Variants in RAB14 observed in about 807,000 individuals in gnomAD.
The protein encoded by RAB14 is RAB14, member RAS oncogene family, also known as ras-related protein Rab-14.
RAB14 carries 3 observed loss-of-function variants against 31.1 expected under a neutral mutation model. The ratio of observed to expected loss-of-function variants is 0.10; its 90% CI spans 0.04 to 0.25. The LOEUF (loss-of-function observed/expected upper bound fraction) is 0.25, where lower values mean the gene tolerates loss of function less well. Among genes scored for constraint, RAB14 ranks in the 10% least tolerant of loss-of-function variants. RAB14 has a pLI of 1.00. For missense variants in RAB14, 111 were observed against 260.1 expected (o/e 0.43, Z 3.94); for synonymous variants, 85 against 84.9 (o/e 1.00, Z 0.00).
intron 6 of RAB14, 122 bp downstream of exon 6, chr9:121,183,189 T>C: frequency 1.2e-6 from 1 of 845,716 alleles, no homozygotes; most frequent in South Asian, 1.5e-5. Context: ...TACTTCCTCA[T>C]TCTTGAGATT....
rs2053793403 is a variant in RAB14, at chr9:121,201,836, C to G, written c.-205G>C. ...AGTGGCAGCGGTGACTGCTCCTGTGCTCCCTCAGTATCTTCCTCGGGCTGG... is the reference window on the plus strand; with the variant it reads ...AGTGGCAGCGGTGACTGCTCCTGTGGTCCCTCAGTATCTTCCTCGGGCTGG... On this transcript the variant is annotated 5_prime_UTR_variant, in exon 1 of 8. Coordinates refer to ENST00000373840, the MANE Select transcript of RAB14 (RefSeq NM_016322.4). 6.6e-6 allele frequency: 1 copy of G among 152,426 alleles called. No individual in the cohort carries two copies. Among genetic ancestry groups the G allele is most frequent in the South Asian group, 2.1e-4 (1 of 4,836 alleles). 9.4% of individuals were successfully genotyped at this position (152,426 alleles called of 1,614,324 possible). A position where few individuals can be genotyped will look rare whatever the true frequency, so the allele number is the denominator to read the frequency against.
At chr9:121,188,375 T>A (rs2053669181) in intron 4 of RAB14, among the ~76,000 whole-genome samples, 1 of 151,918 alleles carries the variant, frequency 6.6e-6, no homozygotes, top group African/African-American at 2.4e-5. Context: ...GAGAGTGAAG[T>A]ACACAGAAAA....
intron 1 of RAB14, among the ~76,000 whole-genome samples, chr9:121,194,399 C>A (rs1489206246): frequency 6.6e-6 from 1 of 152,046 alleles, no homozygotes; most frequent in Non-Finnish European, 1.5e-5. Flanking sequence ...ATAGACTTAA[C>A]CTAAAGAATT....
intron 4 of RAB14, 25 bp downstream of exon 4, chr9:121,190,529 T>C (rs375408419): frequency 1.3e-6 from 2 of 1,545,576 alleles, no homozygotes; most frequent in African/African-American, 1.4e-5. Flanking sequence ...TTTCCCCATA[T>C]GAAGGTTGAA....
intron 1 of RAB14, among the ~76,000 whole-genome samples, chr9:121,194,275 T>C (rs916368885): frequency 6.6e-6 from 1 of 152,110 alleles, no homozygotes; most frequent in Admixed American, 6.6e-5. Flanking sequence ...TCCCATACAC[T>C]ATTCTAGGGA....
At position 121,182,438 on chromosome 9, in the gene RAB14, T is replaced by A. The variant is rs944562665; in HGVS notation, c.470+492A>T. On this transcript the variant is annotated intron_variant, in intron 7 of 7. Coordinates refer to ENST00000373840, the MANE Select transcript of RAB14 (RefSeq NM_016322.4). ...TCACCACAAGAAATTTTTGGCCTAA[T>A]AAATGAAGAACAATGATGGGTGTAC... 2.0e-5 allele frequency among the ~76,000 whole-genome samples: 3 copies of A among 152,196 alleles called. No individual in the cohort carries two copies. The East Asian group carries it at 5.8e-4, about 29-fold the overall frequency.
At chr9:121,188,423 T>A (rs890674524) in intron 4 of RAB14, among the ~76,000 whole-genome samples, 11 of 151,944 alleles carry the variant, frequency 7.2e-5, no homozygotes, top group African/African-American at 2.6e-4. Flanking sequence ...ATTACTTACA[T>A]GTACTATAAC....
At chr9:121,190,442 G>C in intron 4 of RAB14, 112 bp downstream of exon 4, 1 of 965,534 alleles carries the variant, frequency 1.0e-6, no homozygotes, top group Non-Finnish European at 1.5e-6. Flanking sequence ...AAACAAGTAA[G>C]TTCATTCACA....
rs902777017 is a variant in RAB14, at chr9:121,178,715, C to CAA, written c.*2679_*2680dup. 1.6e-4 allele frequency: 24 copies of CAA among 152,368 alleles called. No individual in the cohort carries two copies. Among genetic ancestry groups the CAA allele is most frequent in the African/African-American group, 5.5e-4 (23 of 41,562 alleles). The allele number at this position is 152,368 out of a possible 1,614,324, so 9.4% of individuals were successfully genotyped here. A position where few individuals can be genotyped will look rare whatever the true frequency, so the allele number is the denominator to read the frequency against. On this transcript the variant is annotated 3_prime_UTR_variant, in exon 8 of 8. Transcript: ENST00000373840. The stretch of plus-strand genomic sequence containing the variant: ...AAAAAAAAATAATAAGTTACTCCAT[C>CAA]AAACACGTTATTATCCATAAAAAAG...
intron 6 of RAB14, 92 bp downstream of exon 6, chr9:121,183,219 A>C: frequency 9.3e-7 from 1 of 1,073,802 alleles, no homozygotes. Context: ...GCATTTAAAA[A>C]AAAAATGCAA....
Position 121,194,094 on chromosome 9 carries a change from T to TCACACACA in RAB14, c.-7-683_-7-676dup, listed in dbSNP as rs56303323. ...TAATACAGGACTTGCAGATTATCAC[T>TCACACACA]CACACACACACACACACACACACAC... On this transcript the variant is annotated intron_variant, in intron 1 of 7. Transcript: ENST00000373840. Among the ~76,000 whole-genome samples, 209 of 139,042 alleles carry TCACACACA rather than the reference T, an allele frequency of 1.5e-3. 3 individuals are homozygous for TCACACACA. Among genetic ancestry groups the TCACACACA allele is most frequent in the Admixed American group, 4.7e-3 (68 of 14,438 alleles). The allele number at this position is 139,042 out of a possible 152,430, so 91.2% of individuals were successfully genotyped here.
At chr9:121,196,219 T>C (rs2053716162) in intron 1 of RAB14, among the ~76,000 whole-genome samples, 1 of 152,148 alleles carries the variant, frequency 6.6e-6, no homozygotes, top group Non-Finnish European at 1.5e-5. Context: ...ATAACTTGTA[T>C]ACAACTACCG....
chr9:121,190,584 G>A lies in RAB14; in HGVS notation c.254C>T (p.Ala85Val), dbSNP rs1470404021. The A allele has an allele frequency of 6.2e-7, 1 of 1,612,442 alleles. No homozygotes were observed. The highest frequency in any genetic ancestry group is 1.1e-5 in the South Asian group (1 of 90,966). ...GATATCATAGACCATAAGAGCTCCCGCAGCTCCTCTGTAGTAGCTCCGTGT... is the reference window on the plus strand; with the variant it reads ...GATATCATAGACCATAAGAGCTCCCACAGCTCCTCTGTAGTAGCTCCGTGT... The part of the protein sequence containing the change: ...AVTRSYYRGA[A>V]GALMVYDITR... Residue 85 changes from alanine to valine, a missense_variant, in exon 4 of 8, where the codon GCG becomes GTG. Coordinates refer to ENST00000373840, the MANE Select transcript of RAB14 (RefSeq NM_016322.4).
rs1046180101 is a variant in RAB14 at position 121,178,153 on chromosome 9, T to A, written c.*3243A>T. ...AGTCATCCCTCACCACCAAGGTTTT[T>A]ATTCCAAAACAGTTATTTGGCTAGA... On this transcript the variant is annotated 3_prime_UTR_variant, in exon 8 of 8. Coordinates refer to ENST00000373840, the MANE Select transcript of RAB14 (RefSeq NM_016322.4). 6.6e-6 allele frequency: 1 copy of A among 152,258 alleles called. No individual in the cohort carries two copies. The highest frequency in any genetic ancestry group is 2.4e-5 in the African/African-American group (1 of 41,456). The allele number at this position is 152,258 out of a possible 1,614,324, so 9.4% of individuals were successfully genotyped here.
intron 1 of RAB14, among the ~76,000 whole-genome samples, chr9:121,199,245 T>C (rs540830902): frequency 2.5e-4 from 38 of 152,344 alleles, no homozygotes; most frequent in African/African-American, 8.7e-4. Flanking sequence ...CAAGTGTATA[T>C]TGATGAAGCA....
chr9:121,185,783 G>A (rs752695029), intron 5 of RAB14, among the ~76,000 whole-genome samples: 4 of 151,972 alleles, frequency 2.6e-5, no homozygotes, highest in East Asian at 1.9e-4. Flanking sequence ...GAGATGTTCC[G>A]AACTGTTTAA....
chr9:121,200,473 G>C (rs551820485), intron 1 of RAB14, among the ~76,000 whole-genome samples: 103 of 152,298 alleles, frequency 6.8e-4, no homozygotes, highest in African/African-American at 2.5e-3. Flanking sequence ...GAAGGCACCT[G>C]TCCTCTTGGA....
Position 121,178,579 on chromosome 9 carries a change from T to C in RAB14, c.*2817A>G, listed in dbSNP as rs1446528637. On this transcript the variant is annotated 3_prime_UTR_variant, in exon 8 of 8. Coordinates refer to ENST00000373840, the MANE Select transcript of RAB14 (RefSeq NM_016322.4). Reference sequence around the variant, plus strand: ...GGGCAAAAAAGTTCCCCAAAACTACTGTCTTACCGAATTTGAGAAGGGAGG... The same window carrying C: ...GGGCAAAAAAGTTCCCCAAAACTACCGTCTTACCGAATTTGAGAAGGGAGG... 1 of 152,660 alleles carries C rather than the reference T, an allele frequency of 6.6e-6. No homozygotes were observed. The highest frequency in any genetic ancestry group is 2.4e-5 in the African/African-American group (1 of 41,462). 9.5% of individuals were successfully genotyped at this position (152,660 alleles called of 1,614,324 possible). A position where few individuals can be genotyped will look rare whatever the true frequency, so the allele number is the denominator to read the frequency against.
chr9:121,194,636 G>GT (rs2053705391), intron 1 of RAB14, among the ~76,000 whole-genome samples: 1 of 151,818 alleles, frequency 6.6e-6, no homozygotes, highest in African/African-American at 2.4e-5. Context: ...CTGACTTACA[G>GT]TATTTTTAAG....
Sources: gnomAD v4.1 joint callset for allele counts (sites outside exome capture counted in the v4.1 genomes callset) on GRCh38, gnomAD v4.1.1 for gene constraint, MANE v1.5 for transcripts, NCBI Gene and HGNC (gene_info 2026-07-23, HGNC 2026-07-21) for gene names.